The following NCKAP5 variants were observed in gnomAD, a reference collection of about 807,000 sequenced individuals.
The protein encoded by NCKAP5 is NCK associated protein 5.
A neutral mutation model predicts 167.0 loss-of-function variants in NCKAP5; 92 were observed. That is an observed-to-expected ratio of 0.55 (90% CI 0.47 to 0.66). The LOEUF is 0.66. Among genes scored for constraint, NCKAP5 ranks in the 30% least tolerant of loss-of-function variants. NCKAP5 has a pLI of 0.00. For synonymous variants in NCKAP5, 891 were observed against 877.4 expected (o/e 1.02, Z -0.27); for missense variants, 2,378 against 2,315.0 (o/e 1.03, Z -0.56).
chr2:133,611,791 T>C, the NCKAP5 span, among the ~76,000 whole-genome samples: 3 of 152,288 alleles, frequency 2.0e-5, no homozygotes, highest in Non-Finnish European at 4.4e-5. Flanking sequence ...CCCCTTCAAA[T>C]AATCATTGTT....
intron 16 of NCKAP5, among the ~76,000 whole-genome samples, chr2:132,772,807 C>A (rs1443126498): frequency 2.0e-5 from 3 of 152,208 alleles, no homozygotes; most frequent in Admixed American, 6.5e-5. Context: ...CTCTCTCAGA[C>A]AAACTATAAA....
intron 7 of NCKAP5, among the ~76,000 whole-genome samples, chr2:132,983,440 G>C (rs2077198244): frequency 6.6e-6 from 1 of 152,028 alleles, no homozygotes; most frequent in Admixed American, 6.5e-5. Flanking sequence ...GTTGGCTATG[G>C]GTCTGTCATA....
Position 132,785,987 on chromosome 2 carries a change from A to G in NCKAP5, c.1093-269T>C, listed in dbSNP as rs78803656. On this transcript the variant is annotated intron_variant, in intron 13 of 19. Coordinates refer to ENST00000409261, the MANE Select transcript of NCKAP5 (RefSeq NM_207363.3). ...GAGGAATCCCAGTGGGGAGAGGAGA[A>G]TTGGCCACAACTAACTGTATGTCAA... 9.6e-3 allele frequency among the ~76,000 whole-genome samples: 1,456 copies of G among 152,360 alleles called. 22 individuals are homozygous for G. The highest frequency in any genetic ancestry group is 0.033 in the African/African-American group (1,385 of 41,582).
At chr2:132,973,661 T>A (rs1026695553) in intron 7 of NCKAP5, among the ~76,000 whole-genome samples, 2 of 152,088 alleles carry the variant, frequency 1.3e-5, no homozygotes, top group Non-Finnish European at 2.9e-5. Flanking sequence ...ATTCCCTGCA[T>A]AATAAAACTT....
rs756492822 is a variant in NCKAP5 at position 132,782,151 on chromosome 2, CTT to C, written c.4658_4659del (p.Lys1553ArgfsTer6). On this transcript the variant is annotated frameshift_variant, in exon 14 of 20. Transcript: ENST00000409261. LOFTEE classifies it high-confidence loss of function. ...CACTGTAGTTCAGGCTTCTTTTTCT[CTT>C]TTTTTCTTTCTGATTTTAGTTGTCT... ...GNRQLKSERK[K>X]EKKKPELQCE... The C allele has an allele frequency of 3.4e-5, 54 of 1,609,128 alleles. No homozygotes were observed. Among genetic ancestry groups the C allele is most frequent in the Non-Finnish European group, 4.5e-5 (53 of 1,178,940 alleles).
chr2:133,193,366 T>C (rs1450446879), intron 5 of NCKAP5, among the ~76,000 whole-genome samples: 2 of 152,060 alleles, frequency 1.3e-5, no homozygotes, highest in Non-Finnish European at 2.9e-5. Context: ...GATTTTGGTA[T>C]AGTTTTTCAA....
chr2:132,892,839 C>T (rs1317434398), intron 8 of NCKAP5, among the ~76,000 whole-genome samples: 1 of 151,804 alleles, frequency 6.6e-6, no homozygotes, highest in Non-Finnish European at 1.5e-5. Context: ...TAATACAGTA[C>T]TTTGAAGAAA....
At chr2:133,146,045 T>C (rs1229196596) in intron 5 of NCKAP5, among the ~76,000 whole-genome samples, 3 of 152,070 alleles carry the variant, frequency 2.0e-5, no homozygotes, top group Non-Finnish European at 4.4e-5. Context: ...CTCATGTTCA[T>C]ATTTACATCT....
chr2:132,707,300 C>T (rs967890875), intron 19 of NCKAP5, among the ~76,000 whole-genome samples: 10 of 152,230 alleles, frequency 6.6e-5, no homozygotes, highest in African/African-American at 2.4e-4. Flanking sequence ...AGCTGGTGCC[C>T]ACAGAGGGAG....
rs747843825 is a variant in NCKAP5, at chr2:132,790,054, G to T, written c.1061C>A (p.Thr354Lys). 6.2e-7 allele frequency: 1 copy of T among 1,613,086 alleles called. No homozygotes were observed. Among genetic ancestry groups the T allele is most frequent in the Non-Finnish European group, 8.5e-7 (1 of 1,179,480 alleles). Residue 354 changes from threonine (T) to lysine (K), a missense_variant, in exon 13 of 20, where the codon ACG becomes AAG. Physicochemically the swap from Thr to Lys is moderately conservative, Grantham distance 78. Around this residue, in one of 3 missense-constraint regions of NCKAP5, gnomAD observed 1,049 missense variants for 1,023.4 expected, o/e 1.02. Transcript: ENST00000409261. ...CCTGAGGTTCTTCCCATCGTGCCAC[G>T]TGTAGGAGGAGCCACTGGAGTACTC... ...CSEYSSGSSYTWHDGKNLRKR... is the reference protein window; with the variant it reads ...CSEYSSGSSYKWHDGKNLRKR...
chr2:133,672,049 C>T, the NCKAP5 span, among the ~76,000 whole-genome samples: 3 of 152,046 alleles, frequency 2.0e-5, no homozygotes, highest in Non-Finnish European at 4.4e-5. Flanking sequence ...GCAATAAATG[C>T]TATGAAGAAA....
Position 133,033,149 on chromosome 2 carries a change from G to T in NCKAP5, c.342-38910C>A, listed in dbSNP as rs1015594225. Reference sequence around the variant, plus strand: ...ATCACTCCACTCCCAGCTTTAGGTGGCTCAGAATAGAGAGAGATACTTTGT... The same window carrying T: ...ATCACTCCACTCCCAGCTTTAGGTGTCTCAGAATAGAGAGAGATACTTTGT... On this transcript the variant is annotated intron_variant, in intron 6 of 19. Coordinates refer to ENST00000409261, the MANE Select transcript of NCKAP5 (RefSeq NM_207363.3). Among the ~76,000 whole-genome samples, 15 of 152,326 alleles carry T rather than the reference G, an allele frequency of 9.8e-5. No homozygotes were observed. The East Asian group carries it at 2.3e-3, about 24-fold the overall frequency.
intron 11 of NCKAP5, among the ~76,000 whole-genome samples, chr2:132,812,960 G>A (rs72991317): frequency 0.085 from 12,990 of 152,186 alleles, 653 homozygotes; most frequent in East Asian, 0.2. Context: ...TCTCATGCTC[G>A]TGATCTAATC....
rs375211218 is a variant in NCKAP5, at chr2:132,782,591, G to C, written c.4220C>G (p.Pro1407Arg). The change falls in exon 14 of 20, where the codon CCA (proline) becomes CGA (arginine). Residue 1407 changes from proline (P) to arginine (R), a missense_variant. Around this residue, in one of 3 missense-constraint regions of NCKAP5, gnomAD observed 1,325 missense variants for 1,274.5 expected, o/e 1.04. Transcript: ENST00000409261. ...PSANVAVLGE[P>R]GSDRRSCPPT... ...TGGGCAACTGCGGCGGTCACTGCCTGGTTCCCCAAGTACAGCCACATTGGC... is the reference window on the plus strand; with the variant it reads ...TGGGCAACTGCGGCGGTCACTGCCTCGTTCCCCAAGTACAGCCACATTGGC... 111 of 1,586,260 alleles carry C rather than the reference G, an allele frequency of 7.0e-5. No homozygotes were observed. Among genetic ancestry groups the C allele is most frequent in the Non-Finnish European group, 9.2e-5 (107 of 1,165,820 alleles).
chr2:132,968,934 G>A lies in NCKAP5; in HGVS notation c.430-5065C>T, dbSNP rs541520525. On this transcript the variant is annotated intron_variant, in intron 7 of 19. Coordinates refer to ENST00000409261, the MANE Select transcript of NCKAP5 (RefSeq NM_207363.3). ...GCACCAGAGAGAGTAGCAAAGGTGG[G>A]AATGTACGAAGAGATTTCTAAAGCC... Among the ~76,000 whole-genome samples, 55 of 152,304 alleles carry A rather than the reference G, an allele frequency of 3.6e-4. 1 individual carries two copies. In the South Asian group the frequency reaches 0.011, roughly 31 times the overall value.
At chr2:133,532,659 C>T (rs1314625879) in intron 2 of NCKAP5, among the ~76,000 whole-genome samples, 1 of 152,200 alleles carries the variant, frequency 6.6e-6, no homozygotes, top group African/African-American at 2.4e-5. Flanking sequence ...TCAGGCCAGG[C>T]ATTAGTCTTT....
the NCKAP5 span, among the ~76,000 whole-genome samples, chr2:133,669,668 A>T: frequency 5.3e-5 from 8 of 152,224 alleles, no homozygotes; most frequent in African/African-American, 1.9e-4. Flanking sequence ...GACAGAATCC[A>T]AAGACTTGAA....
At chr2:133,554,471 A>G (rs1159444798) in intron 2 of NCKAP5, 4 of 152,190 alleles carry the variant, frequency 2.6e-5, no homozygotes, top group African/African-American at 7.2e-5. Flanking sequence ...GTAATTACAC[A>G]TGTCAATTTG....
chr2:133,312,504 G>C (rs745901497), intron 3 of NCKAP5, among the ~76,000 whole-genome samples: 65 of 152,292 alleles, frequency 4.3e-4, no homozygotes, highest in Middle Eastern at 3.4e-3. Flanking sequence ...AAGCCAAAGA[G>C]AGGTAAGCAG....
Sources: allele counts gnomAD v4.1 joint callset (sites outside exome capture counted in the v4.1 genomes callset), GRCh38; gene constraint gnomAD v4.1.1; regional missense constraint gnomAD v4.1.1; transcripts MANE v1.5; gene names NCBI Gene and HGNC (gene_info 2026-07-23, HGNC 2026-07-21).